SMCO4: variants seen among roughly 807,000 people sequenced by gnomAD.
The protein encoded by SMCO4 is single-pass membrane protein with coiled-coil domains 4, also known as single-pass membrane and coiled-coil domain-containing protein 4.
A neutral mutation model predicts 3.6 loss-of-function variants in SMCO4; 4 were observed. The observed-to-expected ratio is 1.11, with a 90% CI of 0.54 to 2.53. The LOEUF (loss-of-function observed/expected upper bound fraction) is 2.53. Ranked by LOEUF, SMCO4 falls within the 30% of genes most tolerant of loss-of-function variation. SMCO4 has a pLI of 0.02. For synonymous variants in SMCO4, 36 were observed against 35.3 expected, an observed-to-expected ratio of 1.02 and a Z score of -0.07; for missense variants, 70 against 80.8, an observed-to-expected ratio of 0.87 and a Z score of 0.51.
chr11:93,526,711 G>A (rs1949111759), intron 1 of SMCO4, among the ~76,000 whole-genome samples: 1 of 152,050 alleles, frequency 6.6e-6, no homozygotes, highest in South Asian at 2.1e-4. Context: ...AGAGCCCTGT[G>A]GTTTCCTCAG....
chr11:93,489,000 G>C (rs922477478), intron 2 of SMCO4, among the ~76,000 whole-genome samples: 2 of 152,198 alleles, frequency 1.3e-5, no homozygotes, highest in Non-Finnish European at 2.9e-5. Context: ...TCTATGACTT[G>C]CAGAGCAGTT....
At chr11:93,543,001 C>G (rs12285927) in intron 1 of SMCO4, among the ~76,000 whole-genome samples, 148,873 of 151,684 alleles carry the variant, frequency 0.98, 73,111 homozygotes, top group East Asian at 1. Flanking sequence ...TCCCAGCCCC[C>G]GCCCCGCAGC....
chr11:93,493,423 T>C (rs1948741297), intron 2 of SMCO4, among the ~76,000 whole-genome samples: 1 of 152,106 alleles, frequency 6.6e-6, no homozygotes, highest in African/African-American at 2.4e-5. Context: ...CTCATTCTCC[T>C]CTGTGTTGAC....
chr11:93,534,614 G>A (rs989467640), intron 1 of SMCO4, among the ~76,000 whole-genome samples: 1 of 152,182 alleles, frequency 6.6e-6, no homozygotes, highest in African/African-American at 2.4e-5. Context: ...ATAAGGTGCT[G>A]AATGGGAGCT....
chr11:93,516,581 G>A (rs1949009372), intron 1 of SMCO4, among the ~76,000 whole-genome samples: 2 of 152,182 alleles, frequency 1.3e-5, no homozygotes, highest in African/African-American at 4.8e-5. Flanking sequence ...CTTGAGGCCT[G>A]GAGTTCGAGA....
chr11:93,484,122 C>T (rs1017987466), intron 2 of SMCO4, among the ~76,000 whole-genome samples: 1 of 152,182 alleles, frequency 6.6e-6, no homozygotes, highest in African/African-American at 2.4e-5. Flanking sequence ...GCTCCTACCC[C>T]CCACCAGCAC....
chr11:93,509,668 C>G (rs1033253757), intron 1 of SMCO4, among the ~76,000 whole-genome samples: 1 of 152,184 alleles, frequency 6.6e-6, no homozygotes, highest in Admixed American at 6.5e-5. Context: ...GCATTTACAG[C>G]AACCTGGACG....
intron 1 of SMCO4, among the ~76,000 whole-genome samples, chr11:93,540,740 G>A (rs1949264629): frequency 6.6e-6 from 1 of 152,044 alleles, no homozygotes; most frequent in African/African-American, 2.4e-5. Context: ...GGGCTCAAAT[G>A]GTGACGATTA....
chr11:93,546,057 A>C (rs544893068), upstream of SMCO4, among the ~76,000 whole-genome samples: 1 of 152,322 alleles, frequency 6.6e-6, no homozygotes, highest in African/African-American at 2.4e-5. Context: ...TGAGAAATAA[A>C]ATGGTGGTTG....
chr11:93,553,358 G>C, the SMCO4 span, among the ~76,000 whole-genome samples: 1 of 152,210 alleles, frequency 6.6e-6, no homozygotes, highest in Non-Finnish European at 1.5e-5. Context: ...AAATGGATTA[G>C]AAACAATTGA....
At chr11:93,515,545 G>T (rs1371702607) in intron 1 of SMCO4, among the ~76,000 whole-genome samples, 1 of 152,166 alleles carries the variant, frequency 6.6e-6, no homozygotes, top group Non-Finnish European at 1.5e-5. Context: ...AAACACCTTG[G>T]CAAAAGAAAA....
intron 2 of SMCO4, chr11:93,481,545 G>A (rs1342042987): frequency 1.0e-5 from 10 of 983,308 alleles, no homozygotes; most frequent in African/African-American, 7.0e-5. Context: ...ACACCCCAAC[G>A]GCCCTGTGAG....
chr11:93,546,431 G>A (rs534291633), upstream of SMCO4, among the ~76,000 whole-genome samples: 1 of 152,196 alleles, frequency 6.6e-6, no homozygotes, highest in Non-Finnish European at 1.5e-5. Flanking sequence ...TATCATAGAG[G>A]TTAGGTGTGT....
chr11:93,493,337 C>T (rs1194644670), intron 2 of SMCO4, among the ~76,000 whole-genome samples: 1 of 152,136 alleles, frequency 6.6e-6, no homozygotes, highest in Non-Finnish European at 1.5e-5. Context: ...CAGAGGAGAG[C>T]TCTCCCAGTC....
upstream of SMCO4, among the ~76,000 whole-genome samples, chr11:93,548,374 C>G (rs958089097): frequency 2.0e-5 from 3 of 152,196 alleles, no homozygotes; most frequent in African/African-American, 7.2e-5. Context: ...TCTATGAAAT[C>G]TGAAAGCCTC....
At chr11:93,505,380 G>T (rs1463542466) in intron 1 of SMCO4, among the ~76,000 whole-genome samples, 1 of 151,550 alleles carries the variant, frequency 6.6e-6, no homozygotes, top group Non-Finnish European at 1.5e-5. Flanking sequence ...CCCCAACTCT[G>T]TTTTTTTTCA....
the SMCO4 span, among the ~76,000 whole-genome samples, chr11:93,548,559 G>A: frequency 6.6e-6 from 1 of 152,176 alleles, no homozygotes; most frequent in African/African-American, 2.4e-5. Context: ...TTAAAACATG[G>A]GGTTAAGGGG....
intron 1 of SMCO4, among the ~76,000 whole-genome samples, chr11:93,522,928 C>T (rs572309125): frequency 6.6e-5 from 10 of 152,158 alleles, no homozygotes; most frequent in Admixed American, 1.3e-4. Context: ...ATCTCCCCTA[C>T]GAGATGCTAA....
At chr11:93,513,387 C>G (rs1948976629) in intron 1 of SMCO4, among the ~76,000 whole-genome samples, 1 of 152,192 alleles carries the variant, frequency 6.6e-6, no homozygotes, top group South Asian at 2.1e-4. Context: ...TAATGTCTCC[C>G]ATTCTACTAT....
Sources: allele counts gnomAD v4.1 joint callset (sites outside exome capture counted in the v4.1 genomes callset), GRCh38; gene constraint gnomAD v4.1.1; transcripts MANE v1.5; gene names NCBI Gene and HGNC (gene_info 2026-07-23, HGNC 2026-07-21).